IL5: variants seen among roughly 807,000 people sequenced by gnomAD.
IL5 encodes the protein interleukin-5.
Under a neutral mutation model 16.3 loss-of-function variants are expected in IL5, and 12 were observed. The ratio of observed to expected loss-of-function variants is 0.74; its 90% confidence interval spans 0.47 to 1.20. IL5 has a LOEUF of 1.20. IL5 is among the 50% of genes most tolerant of loss of function. The pLI is 0.00. For synonymous variants in IL5, 54 were observed against 56.6 expected (o/e 0.95, Z 0.21); for missense variants, 159 against 153.9 (o/e 1.03, Z -0.17).
upstream of IL5, among the ~76,000 whole-genome samples, chr5:132,548,229 C>CAAAAA (rs112997896): frequency 1.0e-5 from 1 of 96,604 alleles, no homozygotes. Flanking sequence ...GACCCTGTCT[C>CAAAAA]AAAAAAAAAA....
intron 1 of IL5, among the ~76,000 whole-genome samples, chr5:132,549,767 TC>T (rs1446914991): frequency 6.6e-6 from 1 of 152,202 alleles, no homozygotes; most frequent in Non-Finnish European, 1.5e-5. Flanking sequence ...CTGATTCTAA[TC>T]AACTGAGCAT....
upstream of IL5, among the ~76,000 whole-genome samples, chr5:132,548,223 C>G (rs1561622873): frequency 6.7e-6 from 1 of 150,194 alleles, no homozygotes; most frequent in East Asian, 1.9e-4. Context: ...TAGTGAGACC[C>G]TGTCTCAAAA....
intron 1 of IL5, among the ~76,000 whole-genome samples, chr5:132,554,308 A>C (rs1749935804): frequency 6.9e-6 from 1 of 145,684 alleles, no homozygotes. Flanking sequence ...TGGAGGTTGC[A>C]GTGAGCCAAG....
intron 1 of IL5, among the ~76,000 whole-genome samples, chr5:132,549,712 G>A (rs1749852725): frequency 6.6e-6 from 1 of 152,232 alleles, no homozygotes; most frequent in East Asian, 1.9e-4. Context: ...TGATAACTGT[G>A]GTTTTTACTG....
At chr5:132,553,345 C>CT (rs1561624700) in intron 1 of IL5, among the ~76,000 whole-genome samples, 1 of 152,060 alleles carries the variant, frequency 6.6e-6, no homozygotes, top group Non-Finnish European at 1.5e-5. Flanking sequence ...TCAAGTTCAA[C>CT]TTTTTTCCGT....
chr5:132,554,115 C>G (rs1179932908), intron 1 of IL5, among the ~76,000 whole-genome samples: 1 of 151,822 alleles, frequency 6.6e-6, no homozygotes, highest in Non-Finnish European at 1.5e-5. Context: ...CACCTGTAAT[C>G]CCAGCACTTT....
chr5:132,542,619 A>T (rs1213104568), intron 2 of IL5, among the ~76,000 whole-genome samples: 1 of 152,220 alleles, frequency 6.6e-6, no homozygotes, highest in Non-Finnish European at 1.5e-5. Context: ...TATGACCAGG[A>T]CATATTCAAA....
chr5:132,544,145 T>C (rs971035669), upstream of IL5, among the ~76,000 whole-genome samples: 1 of 152,202 alleles, frequency 6.6e-6, no homozygotes, highest in African/African-American at 2.4e-5. Flanking sequence ...TTTTGATGGC[T>C]TCAGTGACTC....
At chr5:132,549,245 G>A (rs1477760210) in intron 1 of IL5, among the ~76,000 whole-genome samples, 3 of 152,076 alleles carry the variant, frequency 2.0e-5, no homozygotes, top group African/African-American at 7.2e-5. Context: ...TAGTAGAGAC[G>A]GGGTTTCACC....
exon 1 of IL5, chr5:132,556,698 C>T: frequency 1.6e-6 from 2 of 1,261,760 alleles, no homozygotes; most frequent in South Asian, 1.4e-5. Flanking sequence ...CTCCAATCCA[C>T]CCCACCACTA....
At chr5:132,542,855 A>G (rs1304754699) in intron 2 of IL5, among the ~76,000 whole-genome samples, 1 of 152,204 alleles carries the variant, frequency 6.6e-6, no homozygotes, top group Non-Finnish European at 1.5e-5. Context: ...AATCCCTGAC[A>G]CGATGCTCTT....
upstream of IL5, chr5:132,543,825 G>A (rs1749742415): frequency 5.7e-6 from 1 of 175,134 alleles, no homozygotes; most frequent in Non-Finnish European, 1.2e-5. Flanking sequence ...AAAGTATAAG[G>A]TAGACCACTA....
chr5:132,552,889 C>T (rs545902661), intron 1 of IL5, among the ~76,000 whole-genome samples: 1 of 152,278 alleles, frequency 6.6e-6, no homozygotes, highest in Admixed American at 6.5e-5. Context: ...TGCATGCCAC[C>T]AGGCCCGGCT....
chr5:132,552,785 G>C (rs1407785211), intron 1 of IL5, among the ~76,000 whole-genome samples: 2 of 152,100 alleles, frequency 1.3e-5, no homozygotes, highest in African/African-American at 4.8e-5. Context: ...ACCCAGGCTG[G>C]AGTGCAGTGG....
upstream of IL5, chr5:132,543,548 T>A: frequency 6.8e-7 from 1 of 1,477,084 alleles, no homozygotes; most frequent in Non-Finnish European, 9.1e-7. Context: ...CCCCAGTCAA[T>A]TTATTGTCTG....
At chr5:132,548,828 A>G (rs1314101999) in intron 1 of IL5, among the ~76,000 whole-genome samples, 3 of 152,212 alleles carry the variant, frequency 2.0e-5, no homozygotes, top group Non-Finnish European at 2.9e-5. Context: ...TTAAATGTAC[A>G]TATAGCTCAT....
intron 1 of IL5, among the ~76,000 whole-genome samples, chr5:132,551,409 G>T (rs1439330008): frequency 1.3e-5 from 2 of 152,142 alleles, no homozygotes; most frequent in Non-Finnish European, 2.9e-5. Flanking sequence ...TTAATTCTTG[G>T]CCAGGCTGTG....
chr5:132,552,603 CTA>C (rs1450522226), intron 1 of IL5, among the ~76,000 whole-genome samples: 9 of 152,094 alleles, frequency 5.9e-5, no homozygotes, highest in African/African-American at 2.2e-4. Context: ...CTTCAACTCA[CTA>C]TTTTTTTTCT....
At chr5:132,554,912 C>CA (rs1749948053) in intron 1 of IL5, among the ~76,000 whole-genome samples, 1 of 152,144 alleles carries the variant, frequency 6.6e-6, no homozygotes. Flanking sequence ...TTTTTGGCAC[C>CA]AGGGACCAGT....
Sources: gnomAD v4.1 joint callset for allele counts (sites outside exome capture counted in the v4.1 genomes callset) on GRCh38, gnomAD v4.1.1 for gene constraint, MANE v1.5 for transcripts, NCBI Gene and HGNC (gene_info 2026-07-23, HGNC 2026-07-21) for gene names.